Variants in UBE2R2 observed in about 807,000 individuals in gnomAD.
UBE2R2 encodes ubiquitin-conjugating enzyme E2 R2.
UBE2R2 carries 1 observed loss-of-function variant against 27.8 expected under a neutral mutation model. The observed-to-expected ratio is 0.04, with a 90% confidence interval of 0.01 to 0.17. The LOEUF (loss-of-function observed/expected upper bound fraction) is 0.17. UBE2R2 is among the 10% of genes least tolerant of loss of function. The probability of loss-of-function intolerance (pLI) is 1.00; values close to 1 mark genes in which losing one functional copy is unlikely to be tolerated. For synonymous variants in UBE2R2, 106 were observed against 113.3 expected, an observed-to-expected ratio of 0.94 and a Z score of 0.41; for missense variants, 100 against 291.0, an observed-to-expected ratio of 0.34 and a Z score of 4.78.
chr9:33,870,186 A>T (rs574257652), intron 1 of UBE2R2, among the ~76,000 whole-genome samples: 236 of 151,870 alleles, frequency 1.6e-3, no homozygotes, highest in African/African-American at 5.6e-3. Context: ...TTTGTCACCT[A>T]GGCTGGAGTG....
intron 1 of UBE2R2, 23 bp downstream of exon 1, chr9:33,817,957 C>G: frequency 1.9e-6 from 3 of 1,596,172 alleles, no homozygotes; most frequent in Non-Finnish European, 2.6e-6. Flanking sequence ...TCCTCCCGGA[C>G]CCTGCTTCCG....
chr9:33,900,348 T>C, intron 3 of UBE2R2, 77 bp downstream of exon 3: 1 of 1,072,428 alleles, frequency 9.3e-7, no homozygotes, highest in African/African-American at 1.6e-5. Context: ...AATTATGTAT[T>C]GTCTTTTAAC....
chr9:33,853,415 T>C (rs1310208737), intron 1 of UBE2R2, among the ~76,000 whole-genome samples: 1 of 151,048 alleles, frequency 6.6e-6, no homozygotes, highest in African/African-American at 2.4e-5. Flanking sequence ...GCCTCCTGAA[T>C]AGCTGGGATT....
chr9:33,847,918 G>GT (rs1232213089), intron 1 of UBE2R2, among the ~76,000 whole-genome samples: 2 of 151,168 alleles, frequency 1.3e-5, no homozygotes, highest in East Asian at 3.9e-4. Flanking sequence ...CACTCGGCTA[G>GT]TTTTTTTTGT....
chr9:33,915,106 G>GGTGA (rs2130824998), intron 4 of UBE2R2, among the ~76,000 whole-genome samples: 1 of 151,326 alleles, frequency 6.6e-6, no homozygotes, highest in Non-Finnish European at 1.5e-5. Context: ...CTCTAGCCTG[G>GGTGA]GTGACAGTGG....
chr9:33,872,792 A>AG (rs1354198891), intron 1 of UBE2R2, among the ~76,000 whole-genome samples: 1 of 152,014 alleles, frequency 6.6e-6, no homozygotes, highest in Non-Finnish European at 1.5e-5. Context: ...ATTTCAAAAA[A>AG]AAAAAAAAAG....
At chr9:33,882,359 T>C (rs999857153) in intron 1 of UBE2R2, among the ~76,000 whole-genome samples, 3 of 152,218 alleles carry the variant, frequency 2.0e-5, no homozygotes, top group Non-Finnish European at 4.4e-5. Flanking sequence ...CGATCTCGGC[T>C]CACTGCAACC....
intron 1 of UBE2R2, among the ~76,000 whole-genome samples, chr9:33,843,717 G>T (rs1475584193): frequency 6.6e-6 from 1 of 151,928 alleles, no homozygotes; most frequent in Non-Finnish European, 1.5e-5. Flanking sequence ...GACCTCAAAT[G>T]ATCTGCCTTG....
At chr9:33,833,528 C>A (rs1222433649) in intron 1 of UBE2R2, among the ~76,000 whole-genome samples, 2 of 151,992 alleles carry the variant, frequency 1.3e-5, no homozygotes, top group Non-Finnish European at 2.9e-5. Context: ...TTCAGCATTA[C>A]TTAACAATAA....
intron 1 of UBE2R2, among the ~76,000 whole-genome samples, chr9:33,865,706 GT>G (rs1164797436): frequency 6.6e-6 from 1 of 151,888 alleles, no homozygotes; most frequent in East Asian, 1.9e-4. Context: ...GTAAATAATA[GT>G]TCCGGTTGAA....
At chr9:33,896,164 C>T (rs941215415) in intron 2 of UBE2R2, among the ~76,000 whole-genome samples, 3 of 152,140 alleles carry the variant, frequency 2.0e-5, no homozygotes, top group Non-Finnish European at 4.4e-5. Flanking sequence ...ATAAAAGTGA[C>T]TGAGTTTTGA....
chr9:33,853,373 T>C (rs1821014874), intron 1 of UBE2R2, among the ~76,000 whole-genome samples: 1 of 142,552 alleles, frequency 7.0e-6, no homozygotes, highest in Non-Finnish European at 1.5e-5. Context: ...AACTGCAACC[T>C]CTGCCTCCCG....
upstream of UBE2R2, among the ~76,000 whole-genome samples, chr9:33,817,090 CA>C (rs1301751497): frequency 6.6e-6 from 1 of 151,954 alleles, no homozygotes; most frequent in Non-Finnish European, 1.5e-5. Flanking sequence ...GTCGGGCCGC[CA>C]GCCGCTGAGA....
intron 2 of UBE2R2, among the ~76,000 whole-genome samples, chr9:33,887,342 G>A (rs968890652): frequency 6.6e-6 from 1 of 152,202 alleles, no homozygotes; most frequent in Non-Finnish European, 1.5e-5. Context: ...TCCTATGGGT[G>A]AGAGATTCAG....
intron 3 of UBE2R2, 91 bp downstream of exon 3, chr9:33,900,362 T>TA: frequency 5.7e-6 from 5 of 882,850 alleles, no homozygotes; most frequent in East Asian, 2.7e-5. Flanking sequence ...TTTTAACATG[T>TA]AAAAAATCAT....
chr9:33,917,671 G>C lies in UBE2R2; in HGVS notation c.*434G>C. ...GTGCTGCATATACTGGGTAGCAAAA[G>C]AAAATGGAAAAAAACCCACAAAACA... On this transcript the variant is annotated 3_prime_UTR_variant, in exon 5 of 5. Coordinates refer to ENST00000263228, the MANE Select transcript of UBE2R2 (RefSeq NM_017811.4). 1.5e-5 allele frequency: 3 copies of C among 197,460 alleles called. No individual in the cohort carries two copies. The highest frequency in any genetic ancestry group is 9.2e-5 in the East Asian group (1 of 10,874). The allele number at this position is 197,460 out of a possible 1,614,324, so 12.2% of individuals were successfully genotyped here.
intron 4 of UBE2R2, among the ~76,000 whole-genome samples, chr9:33,914,826 C>G (rs1455098060): frequency 2.0e-5 from 3 of 149,538 alleles, no homozygotes; most frequent in African/African-American, 7.4e-5. Context: ...AAGACACCGT[C>G]TCAAAAGAAA....
intron 4 of UBE2R2, among the ~76,000 whole-genome samples, chr9:33,913,792 G>C (rs1475912793): frequency 6.6e-6 from 1 of 152,136 alleles, no homozygotes; most frequent in Non-Finnish European, 1.5e-5. Flanking sequence ...TCTGCCCATT[G>C]GGATCACTTT....
intron 1 of UBE2R2, among the ~76,000 whole-genome samples, chr9:33,830,288 G>A (rs1033978501): frequency 2.0e-5 from 3 of 150,390 alleles, no homozygotes; most frequent in African/African-American, 2.4e-5. Flanking sequence ...CTCCCGAGTC[G>A]CTGGGACTAC....
Sources: gnomAD v4.1 joint callset for allele counts (sites outside exome capture counted in the v4.1 genomes callset) on GRCh38, gnomAD v4.1.1 for gene constraint, MANE v1.5 for transcripts, NCBI Gene and HGNC (gene_info 2026-07-23, HGNC 2026-07-21) for gene names.